MPP7: variants seen among roughly 807,000 people sequenced by gnomAD.
MPP7 encodes the protein MAGUK p55 scaffold protein 7.
MPP7 carries 60 observed loss-of-function variants against 76.5 expected under a neutral mutation model. The ratio of observed to expected loss-of-function variants is 0.78; its 90% CI spans 0.64 to 0.97. The LOEUF is 0.97. MPP7 is among the 50% of genes least tolerant of loss of function. MPP7 has a pLI of 0.00. For missense variants in MPP7, 641 were observed against 694.0 expected (o/e 0.92, Z 0.86); for synonymous variants, 237 against 244.5 (o/e 0.97, Z 0.29).
intron 1 of MPP7, among the ~76,000 whole-genome samples, chr10:28,286,979 G>T (rs1020210833): frequency 1.3e-5 from 2 of 152,152 alleles, no homozygotes; most frequent in Non-Finnish European, 2.9e-5. Flanking sequence ...AAGTATGGAG[G>T]TTGCCTGAAG....
intron 6 of MPP7, among the ~76,000 whole-genome samples, chr10:28,129,252 G>C (rs1835117749): frequency 6.6e-6 from 1 of 152,048 alleles, no homozygotes; most frequent in Non-Finnish European, 1.5e-5. Context: ...AGCATAGTCT[G>C]CCAACACAAA....
chr10:28,087,540 C>A (rs7478224), intron 12 of MPP7, among the ~76,000 whole-genome samples: 5 of 151,886 alleles, frequency 3.3e-5, no homozygotes, highest in African/African-American at 1.2e-4. Context: ...GGACTACAGG[C>A]GCCTGCCACT....
intron 11 of MPP7, among the ~76,000 whole-genome samples, chr10:28,111,530 C>G (rs2133566991): frequency 6.6e-6 from 1 of 152,098 alleles, no homozygotes; most frequent in East Asian, 1.9e-4. Flanking sequence ...GTAAATCAAT[C>G]TGTTCAACAC....
intron 2 of MPP7, among the ~76,000 whole-genome samples, chr10:28,228,099 A>T (rs1402920866): frequency 6.6e-6 from 1 of 152,236 alleles, no homozygotes; most frequent in Non-Finnish European, 1.5e-5. Context: ...TCAGCAAAGT[A>T]TACTTTGGGT....
In MPP7 at chr10:28,132,519, G is replaced by A. The variant is rs1435023970; in HGVS notation, c.316-828C>T. 4.6e-5 allele frequency among the ~76,000 whole-genome samples: 7 copies of A among 152,166 alleles called. No individual in the cohort carries two copies. In the East Asian group the frequency reaches 9.7e-4, roughly 21 times the overall value. The stretch of plus-strand genomic sequence containing the variant: ...GATCATAGCTCACTACAACCTCAAC[G>A]CCTAGGCTCAAGCGATCCTAATTCC... On this transcript the variant is annotated intron_variant, in intron 5 of 16. Coordinates refer to ENST00000683449, the MANE Select transcript of MPP7 (RefSeq NM_001318170.2).
intron 13 of MPP7, among the ~76,000 whole-genome samples, chr10:28,063,124 T>C (rs751655212): frequency 5.3e-5 from 8 of 151,884 alleles, no homozygotes; most frequent in African/African-American, 9.7e-5. Context: ...TCCAACAGTA[T>C]GTAAAGAACT....
At chr10:28,136,268 T>G (rs1835351694) in intron 5 of MPP7, among the ~76,000 whole-genome samples, 1 of 152,030 alleles carries the variant, frequency 6.6e-6, no homozygotes, top group Non-Finnish European at 1.5e-5. Context: ...TGAATCACAC[T>G]GAAATCACTC....
rs1045933094 is a variant in MPP7, at chr10:28,053,478, A to G, written c.*587T>C. 4.6e-5 allele frequency: 7 copies of G among 152,368 alleles called. No homozygotes were observed. The highest frequency in any genetic ancestry group is 1.7e-4 in the African/African-American group (7 of 41,592). 9.4% of individuals were successfully genotyped at this position (152,368 alleles called of 1,614,324 possible). A position where few individuals can be genotyped will look rare whatever the true frequency, so the allele number is the denominator to read the frequency against. ...CTATATTATGAAGGCCATTCACTCA[A>G]GGTAAAATTTCAGTTACTCCTTTAA... On this transcript the variant is annotated 3_prime_UTR_variant, in exon 17 of 17. Coordinates refer to ENST00000683449, the MANE Select transcript of MPP7 (RefSeq NM_001318170.2).
intron 3 of MPP7, among the ~76,000 whole-genome samples, chr10:28,166,977 A>G (rs1323859164): frequency 6.6e-6 from 1 of 152,090 alleles, no homozygotes; most frequent in Non-Finnish European, 1.5e-5. Flanking sequence ...TTTGCTATCA[A>G]TAGATATCCC....
chr10:28,135,419 T>C (rs1028773582), intron 5 of MPP7, among the ~76,000 whole-genome samples: 10 of 152,142 alleles, frequency 6.6e-5, no homozygotes, highest in African/African-American at 1.9e-4. Context: ...CTTGGAGCCA[T>C]TGGCAATATC....
At chr10:28,256,822 G>A (rs1588990434) in intron 1 of MPP7, among the ~76,000 whole-genome samples, 1 of 152,168 alleles carries the variant, frequency 6.6e-6, no homozygotes. Flanking sequence ...GAGAATCTGT[G>A]TGTCTTTCTC....
At chr10:28,297,417 G>A (rs11006997) in intron 1 of MPP7, among the ~76,000 whole-genome samples, 15,684 of 152,194 alleles carry the variant, frequency 0.1, 1,279 homozygotes, top group East Asian at 0.41. Context: ...AAAACAATAA[G>A]GCCGGGCGCT....
chr10:28,098,302 C>T (rs922319755), intron 11 of MPP7, among the ~76,000 whole-genome samples: 3 of 151,424 alleles, frequency 2.0e-5, no homozygotes, highest in African/African-American at 7.3e-5. Context: ...AAATGCATTT[C>T]ATACAATAAA....
At chr10:28,179,593 G>C (rs947939187) in intron 3 of MPP7, among the ~76,000 whole-genome samples, 11 of 151,996 alleles carry the variant, frequency 7.2e-5, no homozygotes, top group African/African-American at 2.2e-4. Flanking sequence ...CAAGTTTTTC[G>C]TACTGCTTTG....
chr10:28,241,330 T>A (rs1839261700), intron 1 of MPP7, among the ~76,000 whole-genome samples: 1 of 152,218 alleles, frequency 6.6e-6, no homozygotes, highest in South Asian at 2.1e-4. Flanking sequence ...TTTCCAAAGC[T>A]GTATCATTTA....
At chr10:28,132,222 A>G (rs1284185321) in intron 5 of MPP7, among the ~76,000 whole-genome samples, 2 of 152,142 alleles carry the variant, frequency 1.3e-5, no homozygotes, top group East Asian at 1.9e-4. Flanking sequence ...GGTGACTACT[A>G]TGTGTATAAA....
intron 16 of MPP7, 118 bp from the exon 17 acceptor site, chr10:28,054,362 T>A: frequency 1.6e-6 from 1 of 609,356 alleles, no homozygotes; most frequent in South Asian, 2.6e-5. Context: ...GTCTTTCCCC[T>A]CAGCCAGAAA....
intron 3 of MPP7, among the ~76,000 whole-genome samples, chr10:28,187,614 A>G (rs747212263): frequency 6.6e-6 from 1 of 151,852 alleles, no homozygotes; most frequent in Non-Finnish European, 1.5e-5. Context: ...ACTTAATACC[A>G]CCTCTCCCTT....
chr10:28,232,383 A>G (rs905689179), intron 2 of MPP7, among the ~76,000 whole-genome samples: 6 of 151,978 alleles, frequency 3.9e-5, no homozygotes, highest in East Asian at 1.9e-4. Flanking sequence ...ACACACACAC[A>G]CACACACAAA....
Sources: allele counts gnomAD v4.1 joint callset (sites outside exome capture counted in the v4.1 genomes callset), GRCh38; gene constraint gnomAD v4.1.1; transcripts MANE v1.5; gene names NCBI Gene and HGNC (gene_info 2026-07-23, HGNC 2026-07-21).